NRP2: variants seen among roughly 807,000 people sequenced by gnomAD.
NRP2 encodes neuropilin-2.
Under a neutral mutation model 110.4 loss-of-function variants are expected in NRP2, and 52 were observed. That is an observed-to-expected ratio of 0.47 (90% CI 0.38 to 0.59). The LOEUF is 0.59. NRP2 is among the 20% of genes least tolerant of loss of function. The pLI, the probability that NRP2 is intolerant of heterozygous loss-of-function variation, is 0.00. For missense variants in NRP2, 1,049 were observed against 1,203.0 expected (o/e 0.87, Z 1.89); for synonymous variants, 508 against 468.9 (o/e 1.08, Z -1.08).
intron 15 of NRP2, chr2:205,776,581 C>T: frequency 6.3e-7 from 1 of 1,599,630 alleles, no homozygotes; most frequent in Non-Finnish European, 8.5e-7. Context: ...AAACATGTTG[C>T]CTCGATTTTG....
chr2:205,766,922 G>C, intron 15 of NRP2, 119 bp downstream of exon 15: 1 of 879,824 alleles, frequency 1.1e-6, no homozygotes, highest in Non-Finnish European at 1.8e-6. Context: ...CAAGAGAAAA[G>C]AGACGCCACA....
chr2:205,728,125 C>A (rs1425600550), intron 7 of NRP2, 79 bp downstream of exon 7: 2 of 1,536,134 alleles, frequency 1.3e-6, no homozygotes, highest in Non-Finnish European at 1.8e-6. Context: ...AAGCCGACCT[C>A]CTACAGGAGA....
intron 15 of NRP2, chr2:205,779,218 T>C (rs2058144895): frequency 6.6e-6 from 1 of 152,248 alleles, no homozygotes; most frequent in South Asian, 2.1e-4. Flanking sequence ...AGAGGTTTTA[T>C]GTCAACACCT....
chr2:205,683,975 CTT>C (rs1260207391), intron 1 of NRP2, among the ~76,000 whole-genome samples: 1 of 152,166 alleles, frequency 6.6e-6, no homozygotes, highest in Non-Finnish European at 1.5e-5. Flanking sequence ...CGGTTGGTCT[CTT>C]CTCTCTTCAT....
intron 15 of NRP2, among the ~76,000 whole-genome samples, chr2:205,772,398 A>C (rs926502694): frequency 3.3e-5 from 5 of 152,264 alleles, no homozygotes; most frequent in Admixed American, 2.6e-4. Context: ...CTCAAAATTC[A>C]AATTCTTTGT....
At chr2:205,773,609 G>A (rs192290332) in intron 15 of NRP2, among the ~76,000 whole-genome samples, 2 of 152,278 alleles carry the variant, frequency 1.3e-5, no homozygotes, top group South Asian at 2.1e-4. Flanking sequence ...TTCTAAATAT[G>A]TAATCCATGT....
At chr2:205,729,029 T>C (rs1031728910) in intron 7 of NRP2, among the ~76,000 whole-genome samples, 2 of 152,110 alleles carry the variant, frequency 1.3e-5, no homozygotes, top group African/African-American at 4.8e-5. Context: ...ATTATCAAAA[T>C]GGGGCACATG....
intron 6 of NRP2, among the ~76,000 whole-genome samples, chr2:205,727,543 T>C (rs2057150761): frequency 6.6e-6 from 1 of 152,174 alleles, no homozygotes; most frequent in African/African-American, 2.4e-5. Flanking sequence ...CCTTGTTTCT[T>C]TAAAGCAGCA....
chr2:205,792,628 A>G lies in NRP2; in HGVS notation c.2476+343A>G, dbSNP rs2058314395. 2.0e-5 allele frequency among the ~76,000 whole-genome samples: 3 copies of G among 152,306 alleles called. No individual in the cohort carries two copies. In the South Asian group the frequency reaches 6.2e-4, roughly 32 times the overall value. ...GTCTGAATCTTTTGACCTTCTCCCA[A>G]AAATGGCCTGAGTGAATGAGCATAA... On this transcript the variant is annotated intron_variant, in intron 16 of 16. Coordinates refer to ENST00000357785, the MANE Select transcript of NRP2 (RefSeq NM_003872.3).
intron 2 of NRP2, among the ~76,000 whole-genome samples, 176 bp from the exon 3 acceptor site, chr2:205,716,017 C>T (rs1006825504): frequency 6.6e-6 from 1 of 152,230 alleles, no homozygotes; most frequent in Non-Finnish European, 1.5e-5. Flanking sequence ...CAAAGCACAA[C>T]GACCTGCAGT....
At chr2:205,732,160 C>A (rs1413065524) in intron 7 of NRP2, among the ~76,000 whole-genome samples, 3 of 152,166 alleles carry the variant, frequency 2.0e-5, no homozygotes, top group African/African-American at 7.2e-5. Flanking sequence ...TGAAGTTCTG[C>A]ATGCAGGATG....
At chr2:205,753,682 A>T (rs866086717) in intron 12 of NRP2, among the ~76,000 whole-genome samples, 6 of 152,384 alleles carry the variant, frequency 3.9e-5, no homozygotes, top group Middle Eastern at 3.4e-3. Flanking sequence ...CTTTCACAGC[A>T]GTATGATGGT....
chr2:205,752,811 T>C, intron 11 of NRP2, 24 bp from the exon 12 acceptor site: 2 of 1,613,868 alleles, frequency 1.2e-6, no homozygotes, highest in Non-Finnish European at 1.7e-6. Flanking sequence ...TGCCTTCCTT[T>C]GGGTTATTGT....
At chr2:205,735,660 T>G (rs1227926634) in intron 7 of NRP2, among the ~76,000 whole-genome samples, 7 of 105,682 alleles carry the variant, frequency 6.6e-5, no homozygotes, top group Non-Finnish European at 1.0e-4. Flanking sequence ...AGCAGCTGAT[T>G]TAATTGGCAG....
chr2:205,743,850 T>G (rs1349477342), intron 9 of NRP2, among the ~76,000 whole-genome samples: 2 of 152,240 alleles, frequency 1.3e-5, no homozygotes, highest in Admixed American at 1.3e-4. Flanking sequence ...TTCAAGCGAT[T>G]CTCCAGCCTC....
intron 7 of NRP2, among the ~76,000 whole-genome samples, chr2:205,734,396 A>ACCC (rs2057302132): frequency 6.5e-5 from 5 of 77,278 alleles, no homozygotes; most frequent in African/African-American, 2.4e-4. Context: ...ATCATTTCCC[A>ACCC]CCGCCCCCCC....
At chr2:205,734,404 C>CCG (rs1553585235) in intron 7 of NRP2, among the ~76,000 whole-genome samples, 1 of 116,064 alleles carries the variant, frequency 8.6e-6, no homozygotes, top group Non-Finnish European at 2.1e-5. Context: ...CCACCGCCCC[C>CCG]CCCCACCCCG....
At position 205,745,907 on chromosome 2, in the gene NRP2, T is replaced by G; in HGVS notation, c.1786+17T>G. Reference sequence around the variant, plus strand: ...ACTGGACAGGTAAGATGACATTTCCTCCTCTTTGCATCTCACCCACATGGT... The same window carrying G: ...ACTGGACAGGTAAGATGACATTTCCGCCTCTTTGCATCTCACCCACATGGT... On this transcript the variant is annotated intron_variant, in intron 10 of 16. Transcript: ENST00000357785. The G allele has an allele frequency of 6.2e-7, 1 of 1,613,884 alleles. No homozygotes were observed. The highest frequency in any genetic ancestry group is 8.5e-7 in the Non-Finnish European group (1 of 1,179,894).
In NRP2 at chr2:205,779,996, C is replaced by A. The variant is rs183650016; in HGVS notation, c.2426-12239C>A. On this transcript the variant is annotated intron_variant, in intron 15 of 16. Coordinates refer to ENST00000357785, the MANE Select transcript of NRP2 (RefSeq NM_003872.3). Reference sequence around the variant, plus strand: ...AAGTGCTAAATTGCTAAATGAGATTCCACGAAATTTCTCTTGATGACAAAT... The same window carrying A: ...AAGTGCTAAATTGCTAAATGAGATTACACGAAATTTCTCTTGATGACAAAT... Among the ~76,000 whole-genome samples the A allele has an allele frequency of 2.0e-5, 3 of 152,296 alleles. No homozygotes were observed. The East Asian group carries it at 5.8e-4, about 29-fold the overall frequency.
Sources: gnomAD v4.1 joint callset for allele counts (sites outside exome capture counted in the v4.1 genomes callset) on GRCh38, gnomAD v4.1.1 for gene constraint, MANE v1.5 for transcripts, NCBI Gene and HGNC (gene_info 2026-07-23, HGNC 2026-07-21) for gene names.